Variants in BCAP29 observed in about 807,000 individuals in gnomAD.
BCAP29 encodes the protein B-cell receptor-associated protein 29.
A neutral mutation model predicts 31.8 loss-of-function variants in BCAP29; 34 were observed. That is an observed-to-expected ratio of 1.07 (90% CI 0.81 to 1.42). BCAP29 has a LOEUF of 1.42. BCAP29 is among the 40% of genes most tolerant of loss of function. BCAP29 has a pLI of 0.00. For missense variants in BCAP29, 314 were observed against 269.2 expected, an observed-to-expected ratio of 1.17 and a Z score of -1.16; for synonymous variants, 104 against 91.3, an observed-to-expected ratio of 1.14 and a Z score of -0.79.
chr7:107,584,614 A>G (rs537855919), intron 3 of BCAP29, among the ~76,000 whole-genome samples: 2 of 152,224 alleles, frequency 1.3e-5, no homozygotes, highest in Admixed American at 6.5e-5. Flanking sequence ...AGGCTGAGAG[A>G]CTGGAGGATT....
chr7:107,618,710 C>G lies in BCAP29; in HGVS notation c.*347C>G. The stretch of plus-strand genomic sequence containing the variant: ...TTAAGTTGCATGAAACCATTAATAG[C>G]CTTGAAAGCTTTGATAAGTTTTCAG... On this transcript the variant is annotated 3_prime_UTR_variant, in exon 8 of 8. Coordinates refer to ENST00000005259, the MANE Select transcript of BCAP29 (RefSeq NM_018844.4). The G allele has an allele frequency of 1.2e-6, 1 of 844,878 alleles. No homozygotes were observed. Among genetic ancestry groups the G allele is most frequent in the Non-Finnish European group, 1.8e-6 (1 of 559,566 alleles). The allele number at this position is 844,878 out of a possible 1,614,324, so 52.3% of individuals were successfully genotyped here.
At chr7:107,602,964 CTTTTTTTTTTTT>C (rs34887499) in intron 6 of BCAP29, among the ~76,000 whole-genome samples, 5 of 68,300 alleles carry the variant, frequency 7.3e-5, no homozygotes, top group Admixed American at 4.4e-4. Context: ...TTCTTTTATT[CTTTTTTTTTTTT>C]TTTTTTTTTT....
intron 7 of BCAP29, chr7:107,615,325 G>A (rs759789512): frequency 8.8e-5 from 40 of 456,692 alleles, no homozygotes; most frequent in Non-Finnish European, 1.5e-4. Context: ...CTGGCTGAGC[G>A]TGGTGGCTCA....
At position 107,580,629 on chromosome 7, in the gene BCAP29, C is replaced by G. The variant is rs910166418; in HGVS notation, c.-14-130C>G. The G allele has an allele frequency of 3.1e-5, 19 of 622,074 alleles. No homozygotes were observed. The Admixed American group carries it at 4.3e-4, about 14-fold the overall frequency. The allele number at this position is 622,074 out of a possible 1,614,324, so 38.5% of individuals were successfully genotyped here. A position where few individuals can be genotyped will look rare whatever the true frequency, so the allele number is the denominator to read the frequency against. ...CCTTTTCCCCTTCCTGACCGGGGTC[C>G]GTGCTTGCCTTCCCAGGTGGGGGAA... is the stretch of plus-strand genomic sequence containing the variant. On this transcript the variant is annotated intron_variant, in intron 1 of 7. Coordinates refer to ENST00000005259, the MANE Select transcript of BCAP29 (RefSeq NM_018844.4).
intron 3 of BCAP29, among the ~76,000 whole-genome samples, chr7:107,584,744 T>C (rs1807324571): frequency 6.6e-6 from 1 of 152,138 alleles, no homozygotes; most frequent in Middle Eastern, 3.2e-3. Flanking sequence ...ATTTGGGGAC[T>C]ACCGCAAAAA....
intron 5 of BCAP29, among the ~76,000 whole-genome samples, chr7:107,599,281 AT>A (rs372271857): frequency 6.0e-5 from 3 of 49,894 alleles, no homozygotes; most frequent in South Asian, 4.1e-4. Flanking sequence ...TTTATATATA[AT>A]TTTTATATAT....
downstream of BCAP29, chr7:107,621,354 C>A (rs551567105): frequency 2.3e-5 from 4 of 174,976 alleles, no homozygotes; most frequent in East Asian, 5.0e-4. Context: ...CTTTGCTGAA[C>A]GGCATTTTTA....
intron 3 of BCAP29, among the ~76,000 whole-genome samples, chr7:107,591,240 G>A (rs1292631047): frequency 6.6e-6 from 1 of 152,182 alleles, no homozygotes; most frequent in Middle Eastern, 3.2e-3. Flanking sequence ...CATTTTTGTA[G>A]CAGTTGATCA....
In BCAP29 at chr7:107,618,527, G is replaced by A. The variant is rs775728153; in HGVS notation, c.*164G>A. 2.5e-6 allele frequency: 4 copies of A among 1,606,684 alleles called. No homozygotes were observed. The African/African-American group carries it at 5.4e-5, about 22-fold the overall frequency. On this transcript the variant is annotated 3_prime_UTR_variant, in exon 8 of 8. Coordinates refer to ENST00000005259, the MANE Select transcript of BCAP29 (RefSeq NM_018844.4). ...TGGCATTATCAAAATATTTGATGAT[G>A]TTTCAGATATATTGCAAAGTCTGTA...
rs755053718 is a variant in BCAP29, at chr7:107,594,076, CA to C, written c.316del (p.Ile106PhefsTer10). ...KLFRSQRNLY[I>X]SGFSLFFWLV... is the part of the protein sequence containing the mutation. ...TTTTTAGGTCTCAAAGAAATCTTTA[CA>C]TTTCTGGATTTTCCCTATTTTTTTG... On this transcript the variant is annotated frameshift_variant, in exon 4 of 8. Transcript: ENST00000005259. LOFTEE classifies it high-confidence loss of function. 2.5e-6 allele frequency: 4 copies of C among 1,612,068 alleles called. No individual in the cohort carries two copies. The highest frequency in any genetic ancestry group is 3.4e-6 in the Non-Finnish European group (4 of 1,178,930).
chr7:107,597,610 A>G (rs887969619), intron 5 of BCAP29, among the ~76,000 whole-genome samples: 18 of 152,306 alleles, frequency 1.2e-4, no homozygotes, highest in African/African-American at 4.1e-4. Context: ...TGAGTTTGGT[A>G]TTGTTATTAT....
At position 107,618,805 on chromosome 7, in the gene BCAP29, C is replaced by T. The variant is rs1181734438; in HGVS notation, c.*442C>T. ...TGTTCAATATCAGCAAATTTGTACA[C>T]AGGGAATGTAAATAAGGATAACTGA... On this transcript the variant is annotated 3_prime_UTR_variant, in exon 8 of 8. Coordinates refer to ENST00000005259, the MANE Select transcript of BCAP29 (RefSeq NM_018844.4). The T allele has an allele frequency of 2.5e-6, 1 of 406,608 alleles. No individual in the cohort carries two copies. Among genetic ancestry groups the T allele is most frequent in the Non-Finnish European group, 4.4e-6 (1 of 225,204 alleles). The allele number at this position is 406,608 out of a possible 1,614,324, so 25.2% of individuals were successfully genotyped here.
In BCAP29 at chr7:107,600,618, G is replaced by T. The variant is rs1334874023; in HGVS notation, c.589+113G>T. On this transcript the variant is annotated intron_variant, in intron 6 of 7. Transcript: ENST00000005259. ...TGCCTAAATGTTCTTCTAAGATACC[G>T]AGAATGACCTATTTATAAATTCTTG... 7 of 570,840 alleles carry T rather than the reference G, an allele frequency of 1.2e-5. No homozygotes were observed. In the South Asian group the frequency reaches 1.9e-4, roughly 16 times the overall value. 35.4% of individuals were successfully genotyped at this position (570,840 alleles called of 1,614,324 possible). A position where few individuals can be genotyped will look rare whatever the true frequency, so the allele number is the denominator to read the frequency against.
downstream of BCAP29, chr7:107,622,491 C>T (rs1378327535): frequency 6.5e-6 from 1 of 153,152 alleles, no homozygotes; most frequent in African/African-American, 2.4e-5. Context: ...ATTCTTTCCC[C>T]TGTCAGTACG....
chr7:107,621,507 C>T, downstream of BCAP29: 1 of 354,196 alleles, frequency 2.8e-6, no homozygotes, highest in Non-Finnish European at 5.6e-6. Flanking sequence ...ATACCAATCC[C>T]TGGAACCTGG....
intron 6 of BCAP29, among the ~76,000 whole-genome samples, chr7:107,606,758 T>C (rs551964152): frequency 1.3e-5 from 2 of 152,318 alleles, no homozygotes; most frequent in South Asian, 4.1e-4. Flanking sequence ...GAAGAAATGA[T>C]TTAAGAAATT....
chr7:107,599,142 T>C (rs1261121980), intron 5 of BCAP29, among the ~76,000 whole-genome samples: 1 of 127,818 alleles, frequency 7.8e-6, no homozygotes, highest in African/African-American at 3.0e-5. Flanking sequence ...AATTTATATG[T>C]ATATAAATAT....
At chr7:107,612,017 A>G (rs1813214001) in intron 6 of BCAP29, among the ~76,000 whole-genome samples, 1 of 152,216 alleles carries the variant, frequency 6.6e-6, no homozygotes, top group Non-Finnish European at 1.5e-5. Context: ...AAGTACTGAT[A>G]CAAAAAGCAC....
chr7:107,610,506 A>G (rs1042958061), intron 6 of BCAP29, among the ~76,000 whole-genome samples: 2 of 152,216 alleles, frequency 1.3e-5, no homozygotes, highest in African/African-American at 4.8e-5. Flanking sequence ...GGCATCCAAA[A>G]CACAATAATT....
Sources: allele counts gnomAD v4.1 joint callset (sites outside exome capture counted in the v4.1 genomes callset), GRCh38; gene constraint gnomAD v4.1.1; transcripts MANE v1.5; gene names NCBI Gene and HGNC (gene_info 2026-07-23, HGNC 2026-07-21).